Variants in NBPF12 observed in about 807,000 individuals in gnomAD.
NBPF12 encodes NBPF member 12.
A neutral mutation model predicts 146.4 loss-of-function variants in NBPF12; 115 were observed. That is an observed-to-expected ratio of 0.79 (90% CI 0.68 to 0.92). The LOEUF is 0.92. Ranked by LOEUF, NBPF12 falls within the 40% of genes least tolerant of loss-of-function variation. NBPF12 has a pLI of 0.00. For synonymous variants in NBPF12, 385 were observed against 508.9 expected, an observed-to-expected ratio of 0.76 and a Z score of 3.28; for missense variants, 1,205 against 1,326.8, an observed-to-expected ratio of 0.91 and a Z score of 1.43.
At chr1:146,976,779 C>G (rs1373580918) in intron 16 of NBPF12, 150 bp from the exon 20 acceptor site, 177 of 575,030 alleles carry the variant, frequency 3.1e-4, no homozygotes, top group Admixed American at 3.0e-4. Flanking sequence ...GGAAACCATG[C>G]CAGGGCATTC....
upstream of NBPF12, among the ~76,000 whole-genome samples, chr1:146,945,268 C>T (rs1167683799): frequency 3.3e-5 from 5 of 151,594 alleles, no homozygotes; most frequent in African/African-American, 1.2e-4. Flanking sequence ...AGGCAGGGAG[C>T]TCATCCTGTA....
At chr1:146,963,972 T>G in intron 6 of NBPF12, among the ~76,000 whole-genome samples, 2 of 130,198 alleles carry the variant, frequency 1.5e-5, no homozygotes, top group African/African-American at 3.0e-5. Flanking sequence ...GTGGGACAAG[T>G]TTGTCCTCTC....
upstream of NBPF12, among the ~76,000 whole-genome samples, chr1:146,938,513 G>T (rs2101799145): frequency 6.6e-6 from 1 of 151,430 alleles, no homozygotes; most frequent in Admixed American, 6.6e-5. Context: ...GGGAGAGAGG[G>T]ATTTTCCCGT....
At position 146,971,310 on chromosome 1, in the gene NBPF12, G is replaced by C. The variant is rs1553886408; in HGVS notation, c.1507G>C (p.Glu503Gln). Residue 503 changes from glutamate (E) to glutamine (Q), a missense_variant, in exon 13 of 34, where the codon GAG (glutamate) becomes CAG (glutamine). By Grantham distance (29) the Glu-to-Gln change is conservative. Coordinates refer to ENST00000617844, the Ensembl canonical transcript of NBPF12. ...TCACAAGAACATCAAAATCACATTT[G>C]AGGAAGACAAAGTCAACTCATCTCT... is the stretch of plus-strand genomic sequence containing the variant. 260 of 1,612,110 alleles carry C rather than the reference G, an allele frequency of 1.6e-4. 2 individuals are homozygous for C. Among genetic ancestry groups the C allele is most frequent in the Middle Eastern group, 6.6e-4 (4 of 6,062 alleles).
intron 2 of NBPF12, among the ~76,000 whole-genome samples, chr1:146,959,466 C>T (rs1429387896): frequency 7.0e-5 from 4 of 56,932 alleles, no homozygotes; most frequent in Non-Finnish European, 1.3e-4. Context: ...CCAGCCTGGG[C>T]GACAGAGTGA....
chr1:146,944,743 G>A (rs1381195141), upstream of NBPF12, among the ~76,000 whole-genome samples: 1 of 151,702 alleles, frequency 6.6e-6, no homozygotes, highest in Non-Finnish European at 1.5e-5. Flanking sequence ...TACTGGTGGT[G>A]TAAGTTCCCC....
At chr1:146,940,624 C>T (rs1459741602) in intron 1 of NBPF12, among the ~76,000 whole-genome samples, 1 of 149,700 alleles carries the variant, frequency 6.7e-6, no homozygotes, top group Non-Finnish European at 1.5e-5. Context: ...AGAAATAGAA[C>T]ATTACTATAT....
In NBPF12 at chr1:146,939,840, G is replaced by A. The variant is rs1454326652; in HGVS notation, c.-822+858G>A. Among the ~76,000 whole-genome samples, 27 of 151,810 alleles carry A rather than the reference G, an allele frequency of 1.8e-4. 1 individual carries two copies. The highest frequency in any genetic ancestry group is 4.2e-4 in the South Asian group (2 of 4,812). On this transcript the variant is annotated intron_variant, in intron 1 of 35. Coordinates refer to the NBPF12 transcript ENST00000617931. ...CTACTGAAAATACAAAAAATTAGCC[G>A]GGAGTGGTGGCAGGTGCCTGTAGTC...
At chr1:146,973,025 T>C in intron 14 of NBPF12, 65 bp downstream of exon 17, 1 of 799,150 alleles carries the variant, frequency 1.3e-6, no homozygotes, top group South Asian at 1.3e-5. Flanking sequence ...TCTGAGAAAC[T>C]AAGTGCTCTC....
At position 146,970,631 on chromosome 1, in the gene NBPF12, C is replaced by G; in HGVS notation, c.1307-16C>G. On this transcript the variant is annotated splice_polypyrimidine_tract_variant and intron_variant, in intron 11 of 33. Transcript: ENST00000617844. The stretch of plus-strand genomic sequence containing the variant: ...GTGAAGTGGAAAATATCTGAACGAA[C>G]ATTTTGTATTTATAGAAAATGATGA... 1.3e-6 allele frequency: 2 copies of G among 1,557,940 alleles called. No homozygotes were observed. Among genetic ancestry groups the G allele is most frequent in the Non-Finnish European group, 1.8e-6 (2 of 1,132,538 alleles).
intron 13 of NBPF12, 36 bp from the exon 17 acceptor site, chr1:146,972,715 T>G: frequency 7.2e-7 from 1 of 1,382,814 alleles, no homozygotes; most frequent in Non-Finnish European, 1.0e-6. Context: ...TTCATCAGTT[T>G]TTAACCCATC....
exon 9 of NBPF12, chr1:146,966,464 T>C (rs1181894304): frequency 7.3e-6 from 10 of 1,368,542 alleles, no homozygotes; most frequent in Non-Finnish European, 1.0e-5. Flanking sequence ...TTCTCCCCAG[T>C]CCCTGGCCCC....
intron 19 of NBPF12, among the ~76,000 whole-genome samples, chr1:146,982,156 CT>C (rs1657439658): frequency 7.1e-6 from 1 of 141,312 alleles, no homozygotes; most frequent in Non-Finnish European, 1.5e-5. Context: ...GAATTTTCAG[CT>C]TTTGTGCTCT....
At chr1:146,957,942 G>GTA (rs1318134002) in intron 2 of NBPF12, among the ~76,000 whole-genome samples, 1 of 114,646 alleles carries the variant, frequency 8.7e-6, no homozygotes, top group East Asian at 3.2e-4. Context: ...ATTCGTGTGT[G>GTA]TATATATATT....
intron 2 of NBPF12, among the ~76,000 whole-genome samples, chr1:146,958,227 A>C (rs1428261655): frequency 2.8e-4 from 33 of 117,828 alleles, no homozygotes; most frequent in African/African-American, 8.3e-4. Flanking sequence ...ATGAGTGAGA[A>C]CATGCTCGCA....
At chr1:146,940,636 G>A (rs1196597112) in intron 1 of NBPF12, among the ~76,000 whole-genome samples, 1 of 151,706 alleles carries the variant, frequency 6.6e-6, no homozygotes, top group Non-Finnish European at 1.5e-5. Context: ...TTACTATATT[G>A]GGGTATATAT....
chr1:146,969,221 T>G (rs1656418402), intron 10 of NBPF12, among the ~76,000 whole-genome samples, 161 bp from the exon 14 acceptor site: 1 of 151,302 alleles, frequency 6.6e-6, no homozygotes, highest in South Asian at 2.1e-4. Flanking sequence ...TGTAAACCAT[T>G]TTCTCTTCTT....
At chr1:146,977,249 C>T (rs1277372232) in intron 17 of NBPF12, among the ~76,000 whole-genome samples, 2 of 143,236 alleles carry the variant, frequency 1.4e-5, no homozygotes, top group African/African-American at 2.7e-5. Context: ...CTGTCCAGTG[C>T]AATGAACAGC....
rs1451718772 is a variant in NBPF12 at position 146,962,277 on chromosome 1, A to G, written c.278+14A>G. ...TGAGGAGCTCAGGTGAGGGGACCCCATGGGGGGAGGCAGGCGGGTAGGTGT... is the reference window on the plus strand; with the variant it reads ...TGAGGAGCTCAGGTGAGGGGACCCCGTGGGGGGAGGCAGGCGGGTAGGTGT... On this transcript the variant is annotated intron_variant, in intron 5 of 33. Transcript: ENST00000617844. 573 of 1,598,106 alleles carry G rather than the reference A, an allele frequency of 3.6e-4. 1 individual carries two copies. The highest frequency in any genetic ancestry group is 4.6e-4 in the African/African-American group (34 of 74,700).
Sources: gnomAD v4.1 joint callset for allele counts (sites outside exome capture counted in the v4.1 genomes callset) on GRCh38, gnomAD v4.1.1 for gene constraint, MANE v1.5 for transcripts, NCBI Gene and HGNC (gene_info 2026-07-23, HGNC 2026-07-21) for gene names.